The following ASCC3 variants were observed in gnomAD, a reference collection of about 807,000 sequenced individuals.
ASCC3 encodes the protein activating signal cointegrator 1 complex subunit 3.
Under a neutral mutation model 256.3 loss-of-function variants are expected in ASCC3, and 158 were observed. That is an observed-to-expected ratio of 0.62 (90% CI 0.54 to 0.70). The LOEUF (loss-of-function observed/expected upper bound fraction) is 0.70. ASCC3 is among the 30% of genes least tolerant of loss of function. ASCC3 has a pLI of 0.00. For synonymous variants in ASCC3, 948 were observed against 883.4 expected, an observed-to-expected ratio of 1.07 and a Z score of -1.30; for missense variants, 2,259 against 2,626.0, an observed-to-expected ratio of 0.86 and a Z score of 3.05.
At chr6:100,558,259 A>T (rs1008146010) in intron 36 of ASCC3, among the ~76,000 whole-genome samples, 1 of 152,018 alleles carries the variant, frequency 6.6e-6, no homozygotes, top group African/African-American at 2.4e-5. Flanking sequence ...TGGTAAAAAA[A>T]TTTTCTATAT....
At chr6:100,831,035 C>T (rs577631888) in intron 4 of ASCC3, among the ~76,000 whole-genome samples, 3 of 151,924 alleles carry the variant, frequency 2.0e-5, no homozygotes, top group South Asian at 4.2e-4. Context: ...CAATTTTAAC[C>T]CTAAGTAGAA....
At chr6:100,533,210 C>A (rs899227525) in intron 37 of ASCC3, among the ~76,000 whole-genome samples, 9 of 151,702 alleles carry the variant, frequency 5.9e-5, no homozygotes. Flanking sequence ...TTTTTAAATG[C>A]AAAACCTTTT....
chr6:100,828,831 T>C (rs1478207111), intron 4 of ASCC3, among the ~76,000 whole-genome samples: 1 of 151,892 alleles, frequency 6.6e-6, no homozygotes, highest in Non-Finnish European at 1.5e-5. Context: ...GCTTCCACAG[T>C]GTGGAAGCGG....
chr6:100,752,451 A>C (rs751960194), intron 10 of ASCC3, among the ~76,000 whole-genome samples: 1 of 152,152 alleles, frequency 6.6e-6, no homozygotes, highest in Non-Finnish European at 1.5e-5. Context: ...AAATGTTTCC[A>C]GAATCCTTTT....
At chr6:100,752,584 A>G (rs772276517) in intron 10 of ASCC3, among the ~76,000 whole-genome samples, 23 of 152,114 alleles carry the variant, frequency 1.5e-4, no homozygotes, top group Non-Finnish European at 2.9e-5. Flanking sequence ...CTCAGATTCA[A>G]AACTGCCTGC....
chr6:100,732,831 G>A (rs1779970605), intron 10 of ASCC3, among the ~76,000 whole-genome samples: 1 of 152,132 alleles, frequency 6.6e-6, no homozygotes, highest in Middle Eastern at 3.4e-3. Context: ...TATACCTCAA[G>A]GTCCACATTA....
intron 36 of ASCC3, among the ~76,000 whole-genome samples, chr6:100,542,783 CA>C (rs1457780426): frequency 1.3e-5 from 2 of 151,704 alleles, no homozygotes; most frequent in African/African-American, 4.8e-5. Flanking sequence ...TTCAAACATA[CA>C]AAAGCTGAAA....
At chr6:100,563,418 A>G (rs925001277) in intron 36 of ASCC3, among the ~76,000 whole-genome samples, 1 of 152,202 alleles carries the variant, frequency 6.6e-6, no homozygotes, top group South Asian at 2.1e-4. Flanking sequence ...AAAAAGTTAT[A>G]CGATTCACCT....
intron 10 of ASCC3, among the ~76,000 whole-genome samples, chr6:100,731,126 G>A (rs566772934): frequency 6.6e-6 from 1 of 151,872 alleles, no homozygotes; most frequent in African/African-American, 2.4e-5. Context: ...CAAAAAAAAA[G>A]GATAATTCAA....
intron 37 of ASCC3, among the ~76,000 whole-genome samples, chr6:100,533,030 A>G (rs967860572): frequency 1.1e-4 from 16 of 152,016 alleles, no homozygotes; most frequent in African/African-American, 3.6e-4. Context: ...TTTGAGTTAT[A>G]GTTATTGTTT....
chr6:100,665,861 G>A (rs1008643923), intron 14 of ASCC3, among the ~76,000 whole-genome samples: 1 of 151,852 alleles, frequency 6.6e-6, no homozygotes, highest in Non-Finnish European at 1.5e-5. Flanking sequence ...CACTTTTAGT[G>A]TACACATCTA....
At chr6:100,668,451 A>G (rs947794783) in intron 14 of ASCC3, among the ~76,000 whole-genome samples, 3 of 152,076 alleles carry the variant, frequency 2.0e-5, no homozygotes, top group African/African-American at 7.2e-5. Context: ...AATGATAAAA[A>G]TAATGAAAGA....
At chr6:100,768,901 C>A (rs192999328) in intron 8 of ASCC3, among the ~76,000 whole-genome samples, 35 of 152,100 alleles carry the variant, frequency 2.3e-4, no homozygotes, top group Middle Eastern at 3.4e-3. Flanking sequence ...TATCAGGTAC[C>A]CTTATTAGAA....
intron 34 of ASCC3, among the ~76,000 whole-genome samples, chr6:100,593,028 C>T (rs1177460406): frequency 6.6e-6 from 1 of 152,090 alleles, no homozygotes; most frequent in Non-Finnish European, 1.5e-5. Flanking sequence ...CAATAATTGA[C>T]TTGTCAGAAG....
intron 8 of ASCC3, among the ~76,000 whole-genome samples, chr6:100,778,814 A>G (rs1782315880): frequency 6.6e-6 from 1 of 152,298 alleles, no homozygotes; most frequent in African/African-American, 2.4e-5. Context: ...GCTTAGGAAG[A>G]GTAAACCATA....
chr6:100,816,643 A>G (rs1168925005), intron 4 of ASCC3, among the ~76,000 whole-genome samples: 2 of 152,170 alleles, frequency 1.3e-5, no homozygotes, highest in Non-Finnish European at 2.9e-5. Context: ...TTAGCAAACT[A>G]GCACACCAAC....
chr6:100,652,337 T>G (rs1193905516), intron 18 of ASCC3, among the ~76,000 whole-genome samples: 4 of 152,138 alleles, frequency 2.6e-5, no homozygotes, highest in Non-Finnish European at 5.9e-5. Context: ...CGGATCATAG[T>G]TCTGAGATAA....
At chr6:100,629,729 G>A (rs1432126113) in intron 26 of ASCC3, among the ~76,000 whole-genome samples, 3 of 151,966 alleles carry the variant, frequency 2.0e-5, no homozygotes, top group South Asian at 4.1e-4. Context: ...AACAAGATAA[G>A]CCAGAGCAAA....
chr6:100,863,886 G>T (rs983740292), intron 3 of ASCC3, among the ~76,000 whole-genome samples, 178 bp downstream of exon 3: 2 of 151,990 alleles, frequency 1.3e-5, no homozygotes, highest in Admixed American at 6.6e-5. Context: ...ACCTCCCAAG[G>T]TGCTGGGGTT....
Sources: allele counts gnomAD v4.1 joint callset (sites outside exome capture counted in the v4.1 genomes callset), GRCh38; gene constraint gnomAD v4.1.1; transcripts MANE v1.5; gene names NCBI Gene and HGNC (gene_info 2026-07-23, HGNC 2026-07-21).